Variants in CNTN1 observed in about 807,000 individuals in gnomAD.
CNTN1 encodes contactin-1.
In CNTN1, 38 loss-of-function variants were observed where a neutral mutation model predicts 126.4. The ratio of observed to expected loss-of-function variants is 0.30; its 90% CI spans 0.23 to 0.39. CNTN1 has a LOEUF of 0.39. Among genes scored for constraint, CNTN1 ranks in the 10% least tolerant of loss-of-function variants. CNTN1 has a pLI of 1.00. For missense variants in CNTN1, 1,009 were observed against 1,248.4 expected (o/e 0.81, Z 2.89); for synonymous variants, 413 against 422.6 (o/e 0.98, Z 0.28).
intron 10 of CNTN1, 120 bp downstream of exon 10, chr12:40,937,025 T>C: frequency 1.5e-6 from 2 of 1,297,684 alleles, no homozygotes; most frequent in South Asian, 1.2e-5. Flanking sequence ...CCCTGAAATA[T>C]AAAAGCTTCC....
At chr12:41,041,894 G>T (rs1369783936) in intron 23 of CNTN1, among the ~76,000 whole-genome samples, 3 of 151,978 alleles carry the variant, frequency 2.0e-5, no homozygotes, top group African/African-American at 4.8e-5. Flanking sequence ...TTTTTGAAGG[G>T]TTTTTTCTGT....
At chr12:40,832,138 A>C (rs1173409369) in intron 1 of CNTN1, among the ~76,000 whole-genome samples, 1 of 152,166 alleles carries the variant, frequency 6.6e-6, no homozygotes, top group Non-Finnish European at 1.5e-5. Context: ...GGCAGTGAAC[A>C]CCCACAGACA....
intron 16 of CNTN1, among the ~76,000 whole-genome samples, chr12:40,982,637 C>G (rs1235679284): frequency 6.6e-6 from 1 of 152,022 alleles, no homozygotes; most frequent in African/African-American, 2.4e-5. Context: ...TATTGAGTCC[C>G]CACTGTGTGC....
chr12:41,000,854 G>A (rs1948342441), intron 17 of CNTN1, among the ~76,000 whole-genome samples: 1 of 152,028 alleles, frequency 6.6e-6, no homozygotes, highest in South Asian at 2.1e-4. Flanking sequence ...TCATCATTTA[G>A]CCTCCACTTA....
chr12:40,768,319 C>G (rs538949069), intron 1 of CNTN1, among the ~76,000 whole-genome samples: 2 of 152,286 alleles, frequency 1.3e-5, no homozygotes, highest in African/African-American at 4.8e-5. Flanking sequence ...TCCTCCACCG[C>G]GAGCCCGCAG....
chr12:40,911,887 A>T (rs1306957227), intron 3 of CNTN1, among the ~76,000 whole-genome samples: 1 of 152,230 alleles, frequency 6.6e-6, no homozygotes, highest in Admixed American at 6.5e-5. Flanking sequence ...CGTCTGAGTC[A>T]TGTGAGGGAT....
intron 1 of CNTN1, among the ~76,000 whole-genome samples, chr12:40,817,475 C>CTTTTTTTTTTTTT (rs758574869): frequency 2.5e-5 from 1 of 40,710 alleles, no homozygotes; most frequent in Non-Finnish European, 4.4e-5. Flanking sequence ...GCAACCCCTG[C>CTTTTTTTTTTTTT]TTTTTTTTTT....
intron 1 of CNTN1, among the ~76,000 whole-genome samples, chr12:40,903,388 CTTTT>C (rs112301816): frequency 7.6e-6 from 1 of 130,822 alleles, no homozygotes; most frequent in Non-Finnish European, 1.6e-5. Flanking sequence ...GTCAGAGTTG[CTTTT>C]TTTTTTTTTT....
At chr12:40,704,871 T>G (rs1169734150) in intron 1 of CNTN1, among the ~76,000 whole-genome samples, 1 of 152,208 alleles carries the variant, frequency 6.6e-6, no homozygotes, top group Non-Finnish European at 1.5e-5. Flanking sequence ...AGTGATTAGT[T>G]GTAAAGAGGA....
At chr12:40,888,859 C>T (rs1485705337) in intron 1 of CNTN1, among the ~76,000 whole-genome samples, 1 of 152,172 alleles carries the variant, frequency 6.6e-6, no homozygotes, top group East Asian at 1.9e-4. Context: ...GGAAGAGATC[C>T]TTTCCCCTGA....
chr12:40,904,947 T>A (rs561061679), intron 1 of CNTN1, among the ~76,000 whole-genome samples: 17 of 152,342 alleles, frequency 1.1e-4, no homozygotes, highest in African/African-American at 3.6e-4. Context: ...TCAGTCAACA[T>A]TTTGCATGCA....
chr12:40,979,568 G>T (rs139499650), intron 15 of CNTN1, among the ~76,000 whole-genome samples: 1 of 151,856 alleles, frequency 6.6e-6, no homozygotes, highest in African/African-American at 2.4e-5. Flanking sequence ...ATCAATTGGG[G>T]GTGGACTCCT....
chr12:41,040,591 G>A (rs1471224154), intron 23 of CNTN1, among the ~76,000 whole-genome samples: 2 of 151,962 alleles, frequency 1.3e-5, no homozygotes, highest in African/African-American at 4.8e-5. Context: ...TTATTTCATT[G>A]AGCAGTGGTT....
At chr12:40,766,617 T>C (rs967624813) in intron 1 of CNTN1, among the ~76,000 whole-genome samples, 7 of 152,142 alleles carry the variant, frequency 4.6e-5, no homozygotes, top group Admixed American at 4.6e-4. Flanking sequence ...TCAACTTATC[T>C]GATGCACCCC....
intron 14 of CNTN1, among the ~76,000 whole-genome samples, chr12:40,948,158 C>T (rs76779919): frequency 0.013 from 1,918 of 151,134 alleles, 36 homozygotes; most frequent in African/African-American, 0.043. Flanking sequence ...ATTGGGGACA[C>T]GAATAAAGTA....
chr12:40,933,231 A>G (rs1366899744), intron 7 of CNTN1, among the ~76,000 whole-genome samples: 1 of 151,722 alleles, frequency 6.6e-6, no homozygotes, highest in South Asian at 2.1e-4. Context: ...TTGAGTCACA[A>G]TGGTTATGCA....
chr12:40,982,789 T>C (rs1947852915), intron 16 of CNTN1, among the ~76,000 whole-genome samples: 1 of 152,178 alleles, frequency 6.6e-6, no homozygotes, highest in East Asian at 1.9e-4. Context: ...CATGTGGTGA[T>C]GAATGCTAGA....
intron 3 of CNTN1, among the ~76,000 whole-genome samples, chr12:40,911,399 T>C (rs1945031073): frequency 6.6e-6 from 1 of 152,112 alleles, no homozygotes; most frequent in Non-Finnish European, 1.5e-5. Flanking sequence ...ACTTCTTACA[T>C]GGCCGCAGCA....
At chr12:41,041,637 G>C (rs970680993) in intron 23 of CNTN1, among the ~76,000 whole-genome samples, 1 of 152,178 alleles carries the variant, frequency 6.6e-6, no homozygotes, top group Non-Finnish European at 1.5e-5. Context: ...TCCTGGTTTA[G>C]TCTTGGGAGG....
Sources: allele counts gnomAD v4.1 joint callset (sites outside exome capture counted in the v4.1 genomes callset), GRCh38; gene constraint gnomAD v4.1.1; transcripts MANE v1.5; gene names NCBI Gene and HGNC (gene_info 2026-07-23, HGNC 2026-07-21).